The following POTEC variants were observed in gnomAD, a reference collection of about 807,000 sequenced individuals.
POTEC encodes ANKRD26-like family B member 2.
In POTEC, 35 loss-of-function variants were observed where a neutral mutation model predicts 62.0. The ratio of observed to expected loss-of-function variants is 0.56; its 90% CI spans 0.43 to 0.75. The LOEUF (loss-of-function observed/expected upper bound fraction) is 0.75. POTEC is among the 30% of genes least tolerant of loss of function. POTEC has a pLI of 0.00. For missense variants in POTEC, 472 were observed against 655.9 expected, an observed-to-expected ratio of 0.72 and a Z score of 3.06; for synonymous variants, 156 against 221.5, an observed-to-expected ratio of 0.70 and a Z score of 2.62.
rs1377659642 is a variant in POTEC at position 14,529,310 on chromosome 18, C to T, written c.1126+1173G>A. Among the ~76,000 whole-genome samples, 3 of 152,154 alleles carry T rather than the reference C, an allele frequency of 2.0e-5. No homozygotes were observed. The East Asian group carries it at 5.8e-4, about 29-fold the overall frequency. ...AGAAAAATGATTAGTATCTAAAGGA[C>T]ATTTAATAGTTATTTGTTAAGTGGA... On this transcript the variant is annotated intron_variant, in intron 6 of 10. Coordinates refer to ENST00000358970, the MANE Select transcript of POTEC (RefSeq NM_001137671.2).
intron 10 of POTEC, among the ~76,000 whole-genome samples, chr18:14,512,774 TAC>T (rs55928315): frequency 0.26 from 38,455 of 149,670 alleles, 5,974 homozygotes; most frequent in East Asian, 0.47. Context: ...CCATCTAGAA[TAC>T]ACACACACAC....
intron 5 of POTEC, chr18:14,531,812 T>A (rs1332629998): frequency 4.6e-5 from 7 of 152,028 alleles, no homozygotes; most frequent in Admixed American, 3.9e-4. Flanking sequence ...TGATTTGTGA[T>A]GAGTCATGGA....
intron 6 of POTEC, among the ~76,000 whole-genome samples, chr18:14,526,218 A>G (rs1910433051): frequency 6.6e-6 from 1 of 151,988 alleles, no homozygotes; most frequent in Non-Finnish European, 1.5e-5. Flanking sequence ...CTTTTAAAAC[A>G]ATGCTATGGG....
chr18:14,529,348 T>C lies in POTEC; in HGVS notation c.1126+1135A>G, dbSNP rs184673211. Reference sequence around the variant, plus strand: ...TTTGTTAAGTGGACAAGTGAAAACATAGAAATGTTTTCTTTGTAAATTCTG... The same window carrying C: ...TTTGTTAAGTGGACAAGTGAAAACACAGAAATGTTTTCTTTGTAAATTCTG... On this transcript the variant is annotated intron_variant, in intron 6 of 10. Coordinates refer to ENST00000358970, the MANE Select transcript of POTEC (RefSeq NM_001137671.2). Among the ~76,000 whole-genome samples the C allele has an allele frequency of 1.5e-3, 226 of 152,296 alleles. 1 individual carries two copies. The highest frequency in any genetic ancestry group is 4.6e-3 in the African/African-American group (190 of 41,584).
rs1167326695 is a variant in POTEC at position 14,510,039 on chromosome 18, C to T, written c.*1859G>A. 4.0e-5 allele frequency: 6 copies of T among 149,366 alleles called. No homozygotes were observed. Among genetic ancestry groups the T allele is most frequent in the African/African-American group, 1.0e-4 (4 of 40,028 alleles). 9.3% of individuals were successfully genotyped at this position (149,366 alleles called of 1,614,324 possible). A position where few individuals can be genotyped will look rare whatever the true frequency, so the allele number is the denominator to read the frequency against. ...AGCTGTCCCTGCCCTCCAGGCTCCA[C>T]ATCAGCTGACTTGCTGCTCCACTAC... On this transcript the variant is annotated 3_prime_UTR_variant, in exon 11 of 11. Coordinates refer to ENST00000358970, the MANE Select transcript of POTEC (RefSeq NM_001137671.2).
rs866194372 is a variant in POTEC, at chr18:14,516,335, T to C, written c.1410-2550A>G. On this transcript the variant is annotated intron_variant, in intron 9 of 10. Transcript: ENST00000358970. The stretch of plus-strand genomic sequence containing the variant: ...ATATATATATATATATATATATATA[T>C]ACCTATACCTGAGACTGGGTAATTC... Among the ~76,000 whole-genome samples, 565 of 69,856 alleles carry C rather than the reference T, an allele frequency of 8.1e-3. 40 individuals carry two copies. Among genetic ancestry groups the C allele is most frequent in the African/African-American group, 0.02 (294 of 15,066 alleles). 45.8% of individuals were successfully genotyped at this position (69,856 alleles called of 152,430 possible).
At position 14,530,468 on chromosome 18, in the gene POTEC, T is replaced by C; in HGVS notation, c.1126+15A>G. 6.2e-7 allele frequency: 1 copy of C among 1,602,848 alleles called. No homozygotes were observed. The highest frequency in any genetic ancestry group is 8.5e-7 in the Non-Finnish European group (1 of 1,173,620). On this transcript the variant is annotated intron_variant, in intron 6 of 10. Transcript: ENST00000358970. ...GGACAACTGACCTAAAGTAATTCATTATCACAAGTCTTACCTGGATTGCTG... is the reference window on the plus strand; with the variant it reads ...GGACAACTGACCTAAAGTAATTCATCATCACAAGTCTTACCTGGATTGCTG...
At chr18:14,531,687 A>T (rs1210512442) in intron 5 of POTEC, 1 of 151,898 alleles carries the variant, frequency 6.6e-6, no homozygotes, top group African/African-American at 2.4e-5. Context: ...AAAATATGGA[A>T]TGCTTCAAAG....
intron 9 of POTEC, among the ~76,000 whole-genome samples, chr18:14,516,092 C>A (rs931053703): frequency 6.7e-5 from 10 of 149,974 alleles, no homozygotes; most frequent in Admixed American, 1.3e-4. Context: ...TAGTACAAAT[C>A]TATGGAAAAC....
Position 14,519,703 on chromosome 18 carries a change from C to A in POTEC, c.1409+2551G>T, listed in dbSNP as rs146093936. Among the ~76,000 whole-genome samples, 225 of 151,938 alleles carry A rather than the reference C, an allele frequency of 1.5e-3. 2 individuals are homozygous for A. Among genetic ancestry groups the A allele is most frequent in the African/African-American group, 5.2e-3 (215 of 41,446 alleles). ...CTGAACTCCAGCCTGGGTGACAGAG[C>A]GAAACTCTGTCTCCAAAAAAGAAAA... On this transcript the variant is annotated intron_variant, in intron 9 of 10. Transcript: ENST00000358970.
Position 14,534,275 on chromosome 18 carries a change from A to G in POTEC, c.917+626T>C, listed in dbSNP as rs919934555. 2.6e-5 allele frequency among the ~76,000 whole-genome samples: 4 copies of G among 151,692 alleles called. No homozygotes were observed. The East Asian group carries it at 7.9e-4, about 30-fold the overall frequency. Reference sequence around the variant, plus strand: ...TACAGCTTGCCTTCATTAAAGGAAAAGTGTATCCACTTAAAACTATCTTCA... The same window carrying G: ...TACAGCTTGCCTTCATTAAAGGAAAGGTGTATCCACTTAAAACTATCTTCA... On this transcript the variant is annotated intron_variant, in intron 4 of 10. Coordinates refer to ENST00000358970, the MANE Select transcript of POTEC (RefSeq NM_001137671.2).
chr18:14,523,660 TTAAA>T (rs776946023), intron 7 of POTEC, among the ~76,000 whole-genome samples, 153 bp from the exon 8 acceptor site: 10 of 151,858 alleles, frequency 6.6e-5, no homozygotes, highest in South Asian at 4.1e-4. Flanking sequence ...GTTAAAATAA[TTAAA>T]TAAATAAATA....
chr18:14,519,378 G>A (rs1207811972), intron 9 of POTEC, among the ~76,000 whole-genome samples: 2 of 152,276 alleles, frequency 1.3e-5, no homozygotes, highest in Middle Eastern at 6.8e-3. Flanking sequence ...AGAGATCTGA[G>A]CTGGAGACAT....
At chr18:14,524,588 A>G (rs1339560349) in intron 7 of POTEC, among the ~76,000 whole-genome samples, 3 of 152,272 alleles carry the variant, frequency 2.0e-5, no homozygotes, top group African/African-American at 7.2e-5. Flanking sequence ...TTCCAAAAGG[A>G]AAGATTAGCT....
intron 3 of POTEC, among the ~76,000 whole-genome samples, chr18:14,536,632 T>C (rs1204621806): frequency 6.6e-6 from 1 of 152,068 alleles, no homozygotes; most frequent in Non-Finnish European, 1.5e-5. Context: ...TTTAAAAATT[T>C]TCCTGAGGTA....
intron 9 of POTEC, among the ~76,000 whole-genome samples, chr18:14,516,904 T>A (rs952380185): frequency 2.6e-5 from 4 of 151,242 alleles, no homozygotes; most frequent in African/African-American, 9.8e-5. Flanking sequence ...GAGAAGAAAG[T>A]GAACAAGAAA....
intron 6 of POTEC, among the ~76,000 whole-genome samples, chr18:14,527,476 T>C (rs1910467136): frequency 6.6e-6 from 1 of 152,110 alleles, no homozygotes; most frequent in Non-Finnish European, 1.5e-5. Context: ...CTTTCTTTTC[T>C]GGAAGCTGTG....
At chr18:14,529,371 C>A (rs1905424191) in intron 6 of POTEC, among the ~76,000 whole-genome samples, 1 of 152,074 alleles carries the variant, frequency 6.6e-6, no homozygotes, top group Non-Finnish European at 1.5e-5. Context: ...TTTGTAAATT[C>A]TGTTGAAAAA....
chr18:14,531,625 G>C (rs1415228561), intron 5 of POTEC: 1 of 151,904 alleles, frequency 6.6e-6, no homozygotes, highest in African/African-American at 2.4e-5. Flanking sequence ...GATTCACACT[G>C]TTTCCTTAGA....
Sources: gnomAD v4.1 joint callset for allele counts (sites outside exome capture counted in the v4.1 genomes callset) on GRCh38, gnomAD v4.1.1 for gene constraint, MANE v1.5 for transcripts, NCBI Gene and HGNC (gene_info 2026-07-23, HGNC 2026-07-21) for gene names.